Variants in ZNF215 observed in about 807,000 individuals in gnomAD.
ZNF215 encodes zinc finger protein 215.
In ZNF215, 24 loss-of-function variants were observed where a neutral mutation model predicts 27.2. The ratio of observed to expected loss-of-function variants is 0.88; its 90% CI spans 0.64 to 1.24. ZNF215 has a LOEUF of 1.24. Among genes scored for constraint, ZNF215 ranks in the 50% most tolerant of loss-of-function variants. The pLI is 0.00. For synonymous variants in ZNF215, 210 were observed against 204.0 expected (o/e 1.03, Z -0.25); for missense variants, 675 against 605.7 (o/e 1.11, Z -1.20).
intron 5 of ZNF215, among the ~76,000 whole-genome samples, chr11:6,980,796 T>TC (rs1274179011): frequency 7.4e-6 from 1 of 134,696 alleles, no homozygotes; most frequent in Non-Finnish European, 1.5e-5. Flanking sequence ...AGTGTGATGT[T>TC]CCCCTTCCTG....
chr11:6,988,420 C>G (rs1469371992), downstream of ZNF215: 2 of 224,998 alleles, frequency 8.9e-6, no homozygotes, highest in East Asian at 3.7e-4. Context: ...AACTGATTTT[C>G]CCTTTATTAT....
At chr11:6,937,659 C>T (rs943477259) in intron 3 of ZNF215, among the ~76,000 whole-genome samples, 1 of 151,802 alleles carries the variant, frequency 6.6e-6, no homozygotes, top group Non-Finnish European at 1.5e-5. Context: ...AAAGCTATGT[C>T]GTACTGGAAT....
chr11:6,991,815 T>C (rs1178240596), downstream of ZNF215, among the ~76,000 whole-genome samples: 1 of 152,242 alleles, frequency 6.6e-6, no homozygotes, highest in Non-Finnish European at 1.5e-5. Flanking sequence ...ATTTCCAATA[T>C]AATCTCTTAC....
At chr11:6,973,475 G>A (rs1483930024) in intron 5 of ZNF215, among the ~76,000 whole-genome samples, 1 of 152,194 alleles carries the variant, frequency 6.6e-6, no homozygotes, top group Admixed American at 6.5e-5. Context: ...TTGCCACACT[G>A]TCTTCCACAA....
chr11:6,950,305 C>A (rs1486052883), intron 6 of ZNF215, among the ~76,000 whole-genome samples: 2 of 148,792 alleles, frequency 1.3e-5, no homozygotes, highest in African/African-American at 4.9e-5. Context: ...GGCATTGAAT[C>A]TATAAATTAC....
chr11:6,931,024 C>A (rs1849238700), intron 2 of ZNF215, among the ~76,000 whole-genome samples: 1 of 152,170 alleles, frequency 6.6e-6, no homozygotes, highest in South Asian at 2.1e-4. Context: ...TTCCTAGAGG[C>A]CAGGTACAAT....
rs1288887968 is a variant in ZNF215, at chr11:6,932,680, T to C, written c.400+8T>C. On this transcript the variant is annotated splice_region_variant and intron_variant, in intron 3 of 6. Transcript: ENST00000278319. ...AAATGCTTGAAGATGAAGGTAAGAA[T>C]ATAAAGAAATTAGAGGTAAAATACT... The C allele has an allele frequency of 2.5e-6, 4 of 1,589,154 alleles. No individual in the cohort carries two copies. The highest frequency in any genetic ancestry group is 3.6e-5 in the Admixed American group (2 of 55,232).
chr11:6,950,783 G>A (rs1850023696), intron 6 of ZNF215, among the ~76,000 whole-genome samples: 1 of 148,234 alleles, frequency 6.7e-6, no homozygotes, highest in African/African-American at 2.5e-5. Context: ...AATAGGAGTG[G>A]TGAGAGAGGG....
At chr11:6,954,817 T>C (rs1850259641) in intron 6 of ZNF215, among the ~76,000 whole-genome samples, 1 of 152,186 alleles carries the variant, frequency 6.6e-6, no homozygotes, top group Admixed American at 6.5e-5. Flanking sequence ...AAGTCACCCG[T>C]CTTCTGCGTC....
intron 5 of ZNF215, among the ~76,000 whole-genome samples, chr11:6,982,235 A>C (rs540318407): frequency 1.3e-5 from 2 of 152,110 alleles, no homozygotes; most frequent in Non-Finnish European, 2.9e-5. Flanking sequence ...CACCCAATAC[A>C]GGAGCACCCA....
chr11:6,969,750 C>G (rs1278302801), intron 5 of ZNF215, among the ~76,000 whole-genome samples: 1 of 152,088 alleles, frequency 6.6e-6, no homozygotes, highest in Non-Finnish European at 1.5e-5. Flanking sequence ...AGGCTCTCAT[C>G]TTTTCATAAC....
intron 2 of ZNF215, among the ~76,000 whole-genome samples, 167 bp from the exon 3 acceptor site, chr11:6,931,927 A>G (rs1395495661): frequency 6.6e-6 from 1 of 152,196 alleles, no homozygotes; most frequent in African/African-American, 2.4e-5. Flanking sequence ...CCTTTGGGAA[A>G]CTGGTTAGGA....
intron 5 of ZNF215, among the ~76,000 whole-genome samples, chr11:6,979,896 G>C (rs184861929): frequency 6.6e-6 from 1 of 152,170 alleles, no homozygotes; most frequent in Admixed American, 6.6e-5. Context: ...ACTTACAGAT[G>C]TAAAATATTT....
At position 6,954,698 on chromosome 11, in the gene ZNF215, A is replaced by G. The variant is rs988217795; in HGVS notation, c.713-992A>G. On this transcript the variant is annotated intron_variant, in intron 6 of 6. Transcript: ENST00000278319. ...CCCCTTGCGCTTCCCGAGTGAAGCA[A>G]TGCCTCGCCCTGCTTCGGCTTGCGC... 7.2e-5 allele frequency among the ~76,000 whole-genome samples: 11 copies of G among 152,292 alleles called. No homozygotes were observed. The South Asian group carries it at 1.4e-3, about 20-fold the overall frequency.
downstream of ZNF215, chr11:6,988,687 C>A (rs943554474): frequency 6.6e-6 from 1 of 152,134 alleles, no homozygotes; most frequent in Non-Finnish European, 1.5e-5. Context: ...CTTCAGCCTC[C>A]CCATCAGAGC....
intron 5 of ZNF215, among the ~76,000 whole-genome samples, chr11:6,983,318 C>G (rs1850999267): frequency 1.3e-5 from 2 of 152,170 alleles, no homozygotes; most frequent in Admixed American, 1.3e-4. Context: ...CAGCTGAATT[C>G]TACCAGAGGT....
downstream of ZNF215, among the ~76,000 whole-genome samples, chr11:6,960,462 C>T (rs923117187): frequency 4.6e-5 from 7 of 152,086 alleles, no homozygotes; most frequent in Non-Finnish European, 7.4e-5. Flanking sequence ...CCTGAGCAAG[C>T]GAAAAACAAG....
chr11:6,943,005 AT>A, intron 4 of ZNF215, 77 bp from the exon 5 acceptor site: 1 of 1,551,922 alleles, frequency 6.4e-7, no homozygotes, highest in Non-Finnish European at 8.7e-7. Flanking sequence ...CTCCTACCCT[AT>A]TCCTTCAAAT....
chr11:6,956,356 A>G lies in ZNF215; in HGVS notation c.1379A>G (p.Asn460Ser), dbSNP rs368851536. Residue 460 changes from asparagine to serine, a missense_variant, in exon 7 of 7, where the codon AAT becomes AGT. Coordinates refer to ENST00000278319, the MANE Select transcript of ZNF215 (RefSeq NM_013250.4). ...SNNPTLHFGN[N>S]FYQCVNCGKS... ...AATCCAACACTCCATTTTGGAAACA[A>G]TTTCTATCAATGTGTTAACTGTGGA... 1.2e-5 allele frequency: 19 copies of G among 1,614,016 alleles called. No homozygotes were observed. The highest frequency in any genetic ancestry group is 1.6e-4 in the Middle Eastern group (1 of 6,084).
Sources: allele counts gnomAD v4.1 joint callset (sites outside exome capture counted in the v4.1 genomes callset), GRCh38; gene constraint gnomAD v4.1.1; transcripts MANE v1.5; gene names NCBI Gene and HGNC (gene_info 2026-07-23, HGNC 2026-07-21).